FMNL2: variants seen among roughly 807,000 people sequenced by gnomAD.
The protein encoded by FMNL2 is formin like 2.
Under a neutral mutation model 130.2 loss-of-function variants are expected in FMNL2, and 51 were observed. That is an observed-to-expected ratio of 0.39 (90% CI 0.31 to 0.49). The LOEUF is 0.49. Ranked by LOEUF, FMNL2 falls within the 20% of genes least tolerant of loss-of-function variation. FMNL2 has a pLI of 0.85. For synonymous variants in FMNL2, 465 were observed against 467.1 expected, an observed-to-expected ratio of 1.00 and a Z score of 0.06; for missense variants, 977 against 1,316.2, an observed-to-expected ratio of 0.74 and a Z score of 3.99.
chr2:152,347,543 A>G (rs1395273137), intron 1 of FMNL2, among the ~76,000 whole-genome samples: 1 of 152,108 alleles, frequency 6.6e-6, no homozygotes, highest in East Asian at 1.9e-4. Context: ...ATGGGGAGGG[A>G]TGGCCACAGA....
intron 1 of FMNL2, among the ~76,000 whole-genome samples, chr2:152,427,393 A>T (rs902851091): frequency 2.0e-5 from 3 of 152,094 alleles, no homozygotes; most frequent in African/African-American, 7.2e-5. Flanking sequence ...CTAAAAATAA[A>T]AAAATTAGCC....
rs1682210416 is a variant in FMNL2 at position 152,632,082 on chromosome 2, T to C, written c.2625T>C (p.Tyr875=). The change falls in exon 21 of 26, where the codon TAT becomes TAC. Residue 875 remains tyrosine (Y), a synonymous_variant. Coordinates refer to ENST00000288670, the MANE Select transcript of FMNL2 (RefSeq NM_052905.4). ...HYISNVVKEK[Y]HQVSLFYNEL... ...TATCCAATGTGGTGAAAGAAAAATA[T>C]CACCAAGTGTCCCTGTTTTATAATG... The C allele has an allele frequency of 6.2e-7, 1 of 1,613,278 alleles. No homozygotes were observed. Among genetic ancestry groups the C allele is most frequent in the African/African-American group, 1.3e-5 (1 of 74,916 alleles).
In FMNL2 at chr2:152,551,180, G is replaced by A. The variant is rs554152864; in HGVS notation, c.359+2083G>A. On this transcript the variant is annotated intron_variant, in intron 4 of 25. Transcript: ENST00000288670. ...AAAAAGCATTTCTTTAAGCATTGCC[G>A]AAGTAATGTGAAATTGACCATCAAA... Among the ~76,000 whole-genome samples the A allele has an allele frequency of 2.8e-3, 421 of 150,092 alleles. 2 individuals are homozygous for A. Among genetic ancestry groups the A allele is most frequent in the Non-Finnish European group, 4.7e-3 (319 of 67,700 alleles).
At chr2:152,366,199 G>T (rs189379533) in intron 1 of FMNL2, among the ~76,000 whole-genome samples, 1 of 148,462 alleles carries the variant, frequency 6.7e-6, no homozygotes, top group East Asian at 2.0e-4. Flanking sequence ...TGGATGTATT[G>T]AGATTTCCCC....
chr2:152,387,085 C>A (rs1684828179), intron 1 of FMNL2, among the ~76,000 whole-genome samples: 1 of 152,130 alleles, frequency 6.6e-6, no homozygotes, highest in South Asian at 2.1e-4. Flanking sequence ...TGGGATTAAA[C>A]CATTCCTGGG....
chr2:152,375,869 C>T (rs1305388783), intron 1 of FMNL2, among the ~76,000 whole-genome samples: 1 of 113,258 alleles, frequency 8.8e-6, no homozygotes, highest in Non-Finnish European at 1.7e-5. Context: ...CTCTCTCTCT[C>T]TCTCTCTCTA....
At chr2:152,410,593 C>T (rs1274725105) in intron 1 of FMNL2, among the ~76,000 whole-genome samples, 4 of 152,160 alleles carry the variant, frequency 2.6e-5, no homozygotes, top group Non-Finnish European at 5.9e-5. Flanking sequence ...CTAGCTAAAT[C>T]TTGAATTTGG....
At chr2:152,543,370 C>G (rs1001553450) in intron 3 of FMNL2, among the ~76,000 whole-genome samples, 1 of 152,134 alleles carries the variant, frequency 6.6e-6, no homozygotes, top group Admixed American at 6.5e-5. Context: ...TTTGTGCAGC[C>G]ACACAATTGG....
In FMNL2 at chr2:152,636,644, C is replaced by T; in HGVS notation, c.2844+54C>T. The T allele has an allele frequency of 2.0e-6, 3 of 1,531,434 alleles. No individual in the cohort carries two copies. In the South Asian group the frequency reaches 3.7e-5, roughly 19 times the overall value. 94.9% of individuals were successfully genotyped at this position (1,531,434 alleles called of 1,614,324 possible). A position where few individuals can be genotyped will look rare whatever the true frequency, so the allele number is the denominator to read the frequency against. Reference sequence around the variant, plus strand: ...AAGAGGCTGCATCCATTAAAGCTGCCTGTGGTGCAGGCCCTGTATTTGGGG... The same window carrying T: ...AAGAGGCTGCATCCATTAAAGCTGCTTGTGGTGCAGGCCCTGTATTTGGGG... On this transcript the variant is annotated intron_variant, in intron 22 of 25. Coordinates refer to ENST00000288670, the MANE Select transcript of FMNL2 (RefSeq NM_052905.4).
chr2:152,635,628 G>A (rs1246872766), intron 21 of FMNL2, among the ~76,000 whole-genome samples: 2 of 152,184 alleles, frequency 1.3e-5, no homozygotes. Context: ...CCAATAATTT[G>A]TCCACGTGCA....
At chr2:152,337,403 G>GTA (rs1259515248) in intron 1 of FMNL2, among the ~76,000 whole-genome samples, 1 of 151,226 alleles carries the variant, frequency 6.6e-6, no homozygotes, top group Non-Finnish European at 1.5e-5. Context: ...GTGTGTGTGT[G>GTA]TGTGTGTGTG....
rs188146607 is a variant in FMNL2, at chr2:152,339,162, C to T, written c.117+3442C>T. Reference sequence around the variant, plus strand: ...CATGGGCCCAACGCAAATTCATAAACTTTCTTAAAACATTATGAGATTTAT... The same window carrying T: ...CATGGGCCCAACGCAAATTCATAAATTTTCTTAAAACATTATGAGATTTAT... On this transcript the variant is annotated intron_variant, in intron 1 of 25. Coordinates refer to ENST00000288670, the MANE Select transcript of FMNL2 (RefSeq NM_052905.4). Among the ~76,000 whole-genome samples the T allele has an allele frequency of 2.4e-3, 364 of 151,914 alleles. 1 individual carries two copies. The highest frequency in any genetic ancestry group is 7.9e-3 in the African/African-American group (327 of 41,486).
chr2:152,568,886 A>G (rs1273530941), intron 6 of FMNL2, among the ~76,000 whole-genome samples: 9 of 152,168 alleles, frequency 5.9e-5, no homozygotes, highest in South Asian at 2.1e-4. Flanking sequence ...CAGCCAAACC[A>G]TATCATTACA....
At chr2:152,503,652 A>T (rs1270512745) in intron 1 of FMNL2, among the ~76,000 whole-genome samples, 2 of 152,182 alleles carry the variant, frequency 1.3e-5, no homozygotes, top group Non-Finnish European at 2.9e-5. Flanking sequence ...AGACAGCTAG[A>T]GGAGCAAGAA....
chr2:152,484,887 A>G (rs1041778889), intron 1 of FMNL2, among the ~76,000 whole-genome samples: 3 of 152,230 alleles, frequency 2.0e-5, no homozygotes, highest in Non-Finnish European at 4.4e-5. Context: ...TGTCTGGTGC[A>G]TTAATGGTTC....
At chr2:152,483,729 G>A (rs1256651473) in intron 1 of FMNL2, among the ~76,000 whole-genome samples, 2 of 152,226 alleles carry the variant, frequency 1.3e-5, no homozygotes, top group Non-Finnish European at 1.5e-5. Flanking sequence ...CTAGCAGTGA[G>A]CCTGCCAAGG....
chr2:152,372,999 A>T (rs1241654351), intron 1 of FMNL2, among the ~76,000 whole-genome samples: 1 of 152,200 alleles, frequency 6.6e-6, no homozygotes, highest in East Asian at 1.9e-4. Context: ...GGTGAAATCA[A>T]ACAGTCCTGG....
At chr2:152,600,098 A>G (rs951495440) in intron 9 of FMNL2, among the ~76,000 whole-genome samples, 1 of 152,218 alleles carries the variant, frequency 6.6e-6, no homozygotes, top group East Asian at 1.9e-4. Context: ...GTTTTCACCT[A>G]GGACTAACTA....
chr2:152,355,486 T>C (rs1228456448), intron 1 of FMNL2, among the ~76,000 whole-genome samples: 5 of 152,198 alleles, frequency 3.3e-5, no homozygotes. Flanking sequence ...TTTAGGGCTT[T>C]AGGTTTTTCT....
Sources: gnomAD v4.1 joint callset for allele counts (sites outside exome capture counted in the v4.1 genomes callset) on GRCh38, gnomAD v4.1.1 for gene constraint, MANE v1.5 for transcripts, NCBI Gene and HGNC (gene_info 2026-07-23, HGNC 2026-07-21) for gene names.